The following RAD52 variants were observed in gnomAD, a reference collection of about 807,000 sequenced individuals.
The protein encoded by RAD52 is DNA repair protein RAD52 homolog.
Under a neutral mutation model 55.5 loss-of-function variants are expected in RAD52, and 47 were observed. The observed-to-expected ratio is 0.85, with a 90% confidence interval of 0.67 to 1.08. The LOEUF is 1.08. Ranked by LOEUF, RAD52 falls within the 50% of genes least tolerant of loss-of-function variation. RAD52 has a pLI of 0.00. For synonymous variants in RAD52, 184 were observed against 198.9 expected (o/e 0.92, Z 0.63); for missense variants, 468 against 522.8 (o/e 0.90, Z 1.02).
chr12:930,999 A>G (rs1305087577), intron 3 of RAD52, among the ~76,000 whole-genome samples: 1 of 151,712 alleles, frequency 6.6e-6, no homozygotes, highest in Non-Finnish European at 1.5e-5. Context: ...AAGATGATGT[A>G]AAAATCTTAA....
upstream of RAD52, among the ~76,000 whole-genome samples, chr12:951,299 G>C (rs1958521963): frequency 6.6e-6 from 1 of 152,034 alleles, no homozygotes; most frequent in African/African-American, 2.4e-5. Context: ...TTTTTGTAGA[G>C]ACAAGGTCTT....
intron 1 of RAD52, among the ~76,000 whole-genome samples, chr12:978,216 C>A (rs1033467846): frequency 6.8e-6 from 1 of 147,836 alleles, no homozygotes; most frequent in Non-Finnish European, 1.5e-5. Context: ...GCTAATTTTT[C>A]TTTTTTTTTT....
chr12:931,419 C>T (rs1291004251), intron 2 of RAD52, 98 bp from the exon 3 acceptor site: 1 of 858,088 alleles, frequency 1.2e-6, no homozygotes, highest in African/African-American at 1.7e-5. Flanking sequence ...TTAAAAAGAC[C>T]CCCCAGAACC....
chr12:948,821 T>C (rs1019239036), intron 1 of RAD52, among the ~76,000 whole-genome samples: 5 of 150,940 alleles, frequency 3.3e-5, no homozygotes, highest in African/African-American at 1.2e-4. Flanking sequence ...TGCCTCCGCC[T>C]CCCGAGTAGC....
In RAD52 at chr12:970,308, G is replaced by C. The variant is rs191121238; in HGVS notation, c.-19+19501C>G. 5.2e-3 allele frequency among the ~76,000 whole-genome samples: 368 copies of C among 71,024 alleles called. 2 individuals carry two copies. The highest frequency in any genetic ancestry group is 0.02 in the African/African-American group (358 of 18,002). The allele number at this position is 71,024 out of a possible 152,430, so 46.6% of individuals were successfully genotyped here. ...CACTCCAGCCTGGGCAACAGAACAA[G>C]ACATCATCTCAAAAAAAAAAAAAAA... On this transcript the variant is annotated intron_variant, in intron 1 of 11. Coordinates refer to the RAD52 transcript ENST00000430095.
intron 1 of RAD52, among the ~76,000 whole-genome samples, chr12:947,330 A>G (rs12581877): frequency 1.5e-5 from 1 of 68,656 alleles, no homozygotes; most frequent in Non-Finnish European, 3.6e-5. Flanking sequence ...CTGTCCCCCC[A>G]AAAAAACAAC....
Position 914,518 on chromosome 12 carries a change from G to A in RAD52, c.880C>T (p.Pro294Ser). 3.1e-6 allele frequency: 5 copies of A among 1,613,578 alleles called. No individual in the cohort carries two copies. The highest frequency in any genetic ancestry group is 4.2e-6 in the Non-Finnish European group (5 of 1,179,892). Residue 294 changes from proline to serine, a missense_variant, in exon 10 of 12, where the codon CCT becomes TCT. Pro to Ser is a moderately conservative substitution (Grantham distance 74). Transcript: ENST00000358495. ...AEKSEAAPPA[P>S]PVTHSTPVTV... ...ACAGGAGTGCTGTGCGTCACAGGAGGGGCCGGAGGCGCTGCTACGGTTCAC... is the reference window on the plus strand; with the variant it reads ...ACAGGAGTGCTGTGCGTCACAGGAGAGGCCGGAGGCGCTGCTACGGTTCAC...
intron 6 of RAD52, chr12:926,865 G>A (rs764325310): frequency 1.3e-6 from 2 of 1,536,626 alleles, no homozygotes; most frequent in Admixed American, 2.0e-5. Context: ...CAGTAGGAGT[G>A]GGAAGGCCTC....
intron 3 of RAD52, 72 bp downstream of exon 3, chr12:931,148 G>T: frequency 7.9e-7 from 1 of 1,260,830 alleles, no homozygotes; most frequent in Non-Finnish European, 1.1e-6. Flanking sequence ...TGAGGACCCA[G>T]AGAGGGAACT....
At chr12:929,010 A>G (rs1300136809) in intron 5 of RAD52, among the ~76,000 whole-genome samples, 1 of 152,130 alleles carries the variant, frequency 6.6e-6, no homozygotes, top group Admixed American at 6.6e-5. Context: ...GACTACAAGC[A>G]TACACCACCA....
rs104895056 is a variant in RAD52 at position 912,923 on chromosome 12, G to A, written c.*468C>T. The A allele has an allele frequency of 7.0e-4, 138 of 198,398 alleles. No individual in the cohort carries two copies. Among genetic ancestry groups the A allele is most frequent in the Non-Finnish European group, 1.1e-3 (109 of 96,168 alleles). 12.3% of individuals were successfully genotyped at this position (198,398 alleles called of 1,614,324 possible). A position where few individuals can be genotyped will look rare whatever the true frequency, so the allele number is the denominator to read the frequency against. ...AAAGCACTGCTCCAACCTTTTTCCT[G>A]TCGTGATCCACAGTGCTTAATGTGG... On this transcript the variant is annotated 3_prime_UTR_variant, in exon 12 of 12. Coordinates refer to ENST00000358495, the MANE Select transcript of RAD52 (RefSeq NM_134424.4).
At chr12:958,173 A>T (rs1277988993) in intron 1 of RAD52, among the ~76,000 whole-genome samples, 1 of 152,220 alleles carries the variant, frequency 6.6e-6, no homozygotes, top group Non-Finnish European at 1.5e-5. Context: ...GAGTTCTAAG[A>T]GTGAGCATTC....
chr12:986,561 C>G (rs969423530), intron 1 of RAD52, among the ~76,000 whole-genome samples: 10 of 151,996 alleles, frequency 6.6e-5, no homozygotes, highest in African/African-American at 1.9e-4. Flanking sequence ...GACAGGGTCT[C>G]GCTGTGTTGT....
At chr12:970,841 T>TAACCCTTCTCAC (rs1958838536) in intron 1 of RAD52, among the ~76,000 whole-genome samples, 1 of 151,992 alleles carries the variant, frequency 6.6e-6, no homozygotes, top group Non-Finnish European at 1.5e-5. Flanking sequence ...ACTCTTCTCA[T>TAACCCTTCTCAC]CAATAACCAA....
chr12:925,795 C>G (rs966651740), intron 6 of RAD52, among the ~76,000 whole-genome samples: 8 of 152,032 alleles, frequency 5.3e-5, no homozygotes, highest in African/African-American at 1.9e-4. Flanking sequence ...TTCACAAAAC[C>G]CACCAGCCAC....
chr12:971,012 G>A (rs1421951006), intron 1 of RAD52, among the ~76,000 whole-genome samples: 1 of 152,134 alleles, frequency 6.6e-6, no homozygotes, highest in Non-Finnish European at 1.5e-5. Flanking sequence ...GTGGATTTAT[G>A]TGCATATGTC....
chr12:927,699 C>G (rs11571438), intron 5 of RAD52, among the ~76,000 whole-genome samples: 2,527 of 152,138 alleles, frequency 0.017, 97 homozygotes, highest in Admixed American at 0.094. Flanking sequence ...AACCCTATCT[C>G]TACTAAAAAT....
intron 1 of RAD52, among the ~76,000 whole-genome samples, chr12:988,497 T>G (rs866692872): frequency 5.3e-5 from 8 of 152,210 alleles, no homozygotes; most frequent in Non-Finnish European, 8.8e-5. Context: ...CTTAGTCTAT[T>G]TTATGTTGCT....
At chr12:961,422 T>C (rs1958684613) in intron 1 of RAD52, among the ~76,000 whole-genome samples, 2 of 151,758 alleles carry the variant, frequency 1.3e-5, no homozygotes, top group South Asian at 4.2e-4. Flanking sequence ...ACCCCTAATG[T>C]CCAATACCTC....
Sources: allele counts gnomAD v4.1 joint callset (sites outside exome capture counted in the v4.1 genomes callset), GRCh38; gene constraint gnomAD v4.1.1; transcripts MANE v1.5; gene names NCBI Gene and HGNC (gene_info 2026-07-23, HGNC 2026-07-21).